JMJD1C: variants seen among roughly 807,000 people sequenced by gnomAD.
JMJD1C encodes jumonji domain containing 1C.
JMJD1C carries 31 observed loss-of-function variants against 245.3 expected under a neutral mutation model. The observed-to-expected ratio is 0.13, with a 90% CI of 0.09 to 0.17. JMJD1C has a LOEUF of 0.17. Ranked by LOEUF, JMJD1C falls within the 10% of genes least tolerant of loss-of-function variation. JMJD1C has a pLI of 1.00. For missense variants in JMJD1C, 2,691 were observed against 3,000.2 expected (o/e 0.90, Z 2.41); for synonymous variants, 1,057 against 1,017.4 (o/e 1.04, Z -0.74).
At chr10:63,206,364 A>G (rs551292962) in intron 10 of JMJD1C, among the ~76,000 whole-genome samples, 49 of 152,338 alleles carry the variant, frequency 3.2e-4, no homozygotes, top group South Asian at 2.1e-4. Context: ...GGTAAGATAT[A>G]TATTTCTACA....
intron 2 of JMJD1C, among the ~76,000 whole-genome samples, chr10:63,365,027 T>C (rs1274412512): frequency 6.6e-6 from 1 of 152,256 alleles, no homozygotes; most frequent in Non-Finnish European, 1.5e-5. Flanking sequence ...GATCACCGCT[T>C]ACTCCACTCC....
intron 2 of JMJD1C, among the ~76,000 whole-genome samples, chr10:63,300,150 C>T (rs1446908588): frequency 1.3e-5 from 2 of 152,134 alleles, no homozygotes; most frequent in Admixed American, 1.3e-4. Context: ...CAATGTTCAA[C>T]CAAATATTCA....
At position 63,215,079 on chromosome 10, in the gene JMJD1C, T is replaced by G. The variant is rs747878554; in HGVS notation, c.1088A>C (p.Asn363Thr). ...ATTGTCAGTTCGAAGTCTTTTCATA[T>G]TTAGTTTCTTTTCATCCTCCTCAGG... is the stretch of plus-strand genomic sequence containing the variant. ...RKPEEDEKKL[N>T]MKRLRTDNVS... The change falls in exon 8 of 26, where the codon AAT becomes ACT. Residue 363 changes from asparagine (N) to threonine (T), a missense_variant. Physicochemically the swap from Asn to Thr is moderately conservative, Grantham distance 65 (BLOSUM62 0). Transcript: ENST00000399262. The G allele has an allele frequency of 1.3e-6, 2 of 1,596,182 alleles. No individual in the cohort carries two copies. The highest frequency in any genetic ancestry group is 3.6e-5 in the Admixed American group (2 of 55,710).
intron 1 of JMJD1C, among the ~76,000 whole-genome samples, chr10:63,436,149 G>A (rs948054448): frequency 6.6e-6 from 1 of 152,164 alleles, no homozygotes; most frequent in Admixed American, 6.5e-5. Flanking sequence ...GAGGAGGGAG[G>A]AGGTGTTAAA....
rs532718786 is a variant in JMJD1C, at chr10:63,204,990, C to G, written c.5074+1605G>C. 5.1e-6 allele frequency: 5 copies of G among 984,998 alleles called. No homozygotes were observed. The African/African-American group carries it at 8.7e-5, about 17-fold the overall frequency. The allele number at this position is 984,998 out of a possible 1,614,324, so 61.0% of individuals were successfully genotyped here. ...CATATATTGTATGTGGATGAACACA[C>G]GGACATAGTGAAACTAAGTGCTTTC... On this transcript the variant is annotated intron_variant, in intron 10 of 25. Coordinates refer to ENST00000399262, the MANE Select transcript of JMJD1C (RefSeq NM_032776.3).
At chr10:63,428,928 TTAAAA>T (rs1950593790) in intron 1 of JMJD1C, among the ~76,000 whole-genome samples, 1 of 152,206 alleles carries the variant, frequency 6.6e-6, no homozygotes, top group Non-Finnish European at 1.5e-5. Flanking sequence ...AATCTCTGGC[TTAAAA>T]TAAAATTTAC....
In JMJD1C at chr10:63,238,096, G is replaced by A. The variant is rs535735098; in HGVS notation, c.448-18113C>T. 7.2e-4 allele frequency among the ~76,000 whole-genome samples: 103 copies of A among 143,874 alleles called. 1 individual carries two copies. The highest frequency in any genetic ancestry group is 2.0e-3 in the South Asian group (9 of 4,544). 94.4% of individuals were successfully genotyped at this position (143,874 alleles called of 152,430 possible). The stretch of plus-strand genomic sequence containing the variant: ...CTTGGGAGGCTGAGGCATGAGAATC[G>A]CTTGAACCTGGGAGGTGGAGGTTGC... On this transcript the variant is annotated intron_variant, in intron 3 of 25. Transcript: ENST00000399262.
intron 1 of JMJD1C, among the ~76,000 whole-genome samples, chr10:63,486,789 A>T (rs1176743251): frequency 6.6e-6 from 1 of 152,118 alleles, no homozygotes; most frequent in Non-Finnish European, 1.5e-5. Flanking sequence ...TTACCCTAAA[A>T]TGGGGCTCTC....
Position 63,465,863 on chromosome 10 carries a change from C to G in JMJD1C, c.-201G>C, listed in dbSNP as rs1292634712. ...TCCCCGCAAACACTCCTTTGGACTC[C>G]CAGATTCGCAGCCTTGTGCTGCAGC... On this transcript the variant is annotated 5_prime_UTR_variant, in exon 1 of 26. Transcript: ENST00000399262. 8.7e-6 allele frequency: 6 copies of G among 692,892 alleles called. No homozygotes were observed. Among genetic ancestry groups the G allele is most frequent in the Non-Finnish European group, 1.3e-5 (5 of 381,888 alleles). 42.9% of individuals were successfully genotyped at this position (692,892 alleles called of 1,614,324 possible).
intron 3 of JMJD1C, among the ~76,000 whole-genome samples, chr10:63,247,108 A>G (rs1192685681): frequency 7.2e-6 from 1 of 138,746 alleles, no homozygotes. Context: ...GAGACAAAAA[A>G]AACAAAAACA....
Position 63,207,455 on chromosome 10 carries a change from G to A in JMJD1C, c.4214C>T (p.Thr1405Ile). 1 of 1,614,218 alleles carries A rather than the reference G, an allele frequency of 6.2e-7. No homozygotes were observed. Among genetic ancestry groups the A allele is most frequent in the Non-Finnish European group, 8.5e-7 (1 of 1,180,028 alleles). The part of the protein sequence containing the change: ...KTDVITSAAD[T>I]TSVSSWGGSE... The stretch of plus-strand genomic sequence containing the variant: ...ACCACCCCAGCTGGAAACACTGGTA[G>A]TATCGGCAGCAGATGTGATTACATC... The change falls in exon 10 of 26, where the codon ACT (threonine) becomes ATT (isoleucine). Residue 1405 changes from threonine (T) to isoleucine (I), a missense_variant. Coordinates refer to ENST00000399262, the MANE Select transcript of JMJD1C (RefSeq NM_032776.3).
chr10:63,357,765 A>T (rs1347671453), intron 2 of JMJD1C, among the ~76,000 whole-genome samples: 4 of 151,888 alleles, frequency 2.6e-5, no homozygotes, highest in Non-Finnish European at 4.4e-5. Flanking sequence ...TGAATGAATG[A>T]AATTATCTCC....
intron 1 of JMJD1C, chr10:63,382,722 A>T: frequency 8.8e-6 from 4 of 452,806 alleles, no homozygotes; most frequent in South Asian, 6.2e-5. Flanking sequence ...CCCTACTTTC[A>T]TTCTTTTGCG....
intron 24 of JMJD1C, among the ~76,000 whole-genome samples, chr10:63,171,903 C>A (rs2132753298): frequency 6.6e-6 from 1 of 152,326 alleles, no homozygotes; most frequent in Non-Finnish European, 1.5e-5. Context: ...CATCTCAAAT[C>A]CAGGTTAATA....
chr10:63,449,149 T>A (rs962227540), intron 1 of JMJD1C, among the ~76,000 whole-genome samples: 2 of 151,618 alleles, frequency 1.3e-5, no homozygotes, highest in African/African-American at 4.8e-5. Context: ...AAATAAAATG[T>A]AAAGGATTCT....
At chr10:63,353,589 C>G (rs1944545273) in intron 2 of JMJD1C, among the ~76,000 whole-genome samples, 1 of 152,054 alleles carries the variant, frequency 6.6e-6, no homozygotes, top group African/African-American at 2.4e-5. Context: ...GATCTCGGCT[C>G]ACTGCAACCT....
chr10:63,201,086 G>C (rs555451894), intron 10 of JMJD1C, among the ~76,000 whole-genome samples: 2 of 152,150 alleles, frequency 1.3e-5, no homozygotes, highest in Non-Finnish European at 2.9e-5. Context: ...TCCACAGCAA[G>C]AACGTAAAGA....
chr10:63,194,952 T>C (rs902030220), intron 13 of JMJD1C, among the ~76,000 whole-genome samples: 1 of 152,208 alleles, frequency 6.6e-6, no homozygotes, highest in African/African-American at 2.4e-5. Flanking sequence ...AAGCATTTGA[T>C]ACCTTGATCT....
chr10:63,490,420 T>TA (rs748425455), intron 1 of JMJD1C, among the ~76,000 whole-genome samples: 2,815 of 92,302 alleles, frequency 0.03, 67 homozygotes, highest in African/African-American at 0.058. Flanking sequence ...TTTATTTATT[T>TA]TATTTTTTTT....
Sources: allele counts gnomAD v4.1 joint callset (sites outside exome capture counted in the v4.1 genomes callset), GRCh38; gene constraint gnomAD v4.1.1; transcripts MANE v1.5; gene names NCBI Gene and HGNC (gene_info 2026-07-23, HGNC 2026-07-21).